FLAD1: variants seen among roughly 807,000 people sequenced by gnomAD.
FLAD1 encodes bifunctional FAD diphosphatase/FAD synthase.
A neutral mutation model predicts 55.0 loss-of-function variants in FLAD1; 35 were observed. The observed-to-expected ratio is 0.64, with a 90% CI of 0.49 to 0.84. FLAD1 has a LOEUF of 0.84. FLAD1 is among the 40% of genes least tolerant of loss of function. The pLI is 0.00. For missense variants in FLAD1, 665 were observed against 742.6 expected (o/e 0.90, Z 1.21); for synonymous variants, 267 against 303.0 (o/e 0.88, Z 1.23).
At position 154,983,495 on chromosome 1, in the gene FLAD1, T is replaced by G; in HGVS notation, c.-200T>G. On this transcript the variant is annotated 5_prime_UTR_variant, in exon 1 of 7. Transcript: ENST00000292180. Reference sequence around the variant, plus strand: ...AAGCCTGAAGTAGAAAGAGACGGGATTTTGGTCCGGGGTGGAGAGCGAATG... The same window carrying G: ...AAGCCTGAAGTAGAAAGAGACGGGAGTTTGGTCCGGGGTGGAGAGCGAATG... 2.0e-6 allele frequency: 1 copy of G among 488,788 alleles called. No homozygotes were observed. 30.3% of individuals were successfully genotyped at this position (488,788 alleles called of 1,614,324 possible).
Position 154,992,921 on chromosome 1 carries a change from C to G in FLAD1, c.1648C>G (p.Arg550Gly), listed in dbSNP as rs766539734. Reference protein sequence around the residue: ...YDRGYTSLGSRENTVRNPALK... With the variant: ...YDRGYTSLGSGENTVRNPALK... Reference sequence around the variant, plus strand: ...CTCCAGATACACATCACTGGGGAGTCGGGAGAATACCGTGCGGAACCCGGC... The same window carrying G: ...CTCCAGATACACATCACTGGGGAGTGGGGAGAATACCGTGCGGAACCCGGC... Residue 550 changes from arginine to glycine, a missense_variant, in exon 7 of 7, where the codon CGG becomes GGG. Physicochemically the swap from Arg to Gly is moderately radical, Grantham distance 125. Coordinates refer to ENST00000292180, the MANE Select transcript of FLAD1 (RefSeq NM_025207.5). The G allele has an allele frequency of 6.2e-7, 1 of 1,613,984 alleles. No homozygotes were observed. Among genetic ancestry groups the G allele is most frequent in the South Asian group, 1.1e-5 (1 of 91,072 alleles).
In FLAD1 at chr1:154,983,454, G is replaced by T. The variant is rs1171094726; in HGVS notation, c.-241G>T. 4 of 424,650 alleles carry T rather than the reference G, an allele frequency of 9.4e-6. No individual in the cohort carries two copies. Among genetic ancestry groups the T allele is most frequent in the Non-Finnish European group, 1.7e-5 (4 of 235,972 alleles). The allele number at this position is 424,650 out of a possible 1,614,324, so 26.3% of individuals were successfully genotyped here. On this transcript the variant is annotated 5_prime_UTR_variant, in exon 1 of 7. Transcript: ENST00000292180. ...GCTTGGTGGGAAGAAGGGATTCTGGGCTAGAAAGGGTGCAGAAGCCTGAAG... is the reference window on the plus strand; with the variant it reads ...GCTTGGTGGGAAGAAGGGATTCTGGTCTAGAAAGGGTGCAGAAGCCTGAAG...
chr1:154,991,746 T>G, intron 5 of FLAD1, among the ~76,000 whole-genome samples: 1 of 151,560 alleles, frequency 6.6e-6, no homozygotes, highest in East Asian at 2.0e-4. Context: ...TCCCAGCTAC[T>G]CAGGCTGAGG....
chr1:154,986,851 G>C (rs191434735), intron 1 of FLAD1, among the ~76,000 whole-genome samples: 297 of 151,756 alleles, frequency 2.0e-3, no homozygotes, highest in African/African-American at 6.8e-3. Context: ...TCCCACCTCA[G>C]CCTCCAAAAA....
rs762506307 is a variant in FLAD1 at position 154,990,537 on chromosome 1, G to A, written c.1554+9G>A. On this transcript the variant is annotated intron_variant, in intron 5 of 6. Coordinates refer to ENST00000292180, the MANE Select transcript of FLAD1 (RefSeq NM_025207.5). ...GCATCAACCCACTGCTGGTAATGGG[G>A]AAGAGGGTTTATCACCTTCAGTCTC... 6.3e-7 allele frequency: 1 copy of A among 1,587,082 alleles called. No individual in the cohort carries two copies. The highest frequency in any genetic ancestry group is 8.6e-7 in the Non-Finnish European group (1 of 1,163,616).
At position 154,983,411 on chromosome 1, in the gene FLAD1, A is replaced by AGGGCT. The variant is rs1657410313; in HGVS notation, c.-283_-279dup. On this transcript the variant is annotated 5_prime_UTR_variant, in exon 1 of 7. An upstream open reading frame in the 5' UTR gains an earlier in-frame stop. Coordinates refer to ENST00000292180, the MANE Select transcript of FLAD1 (RefSeq NM_025207.5). ...CAGAACAGGCAGGTGAGAGTCTAAG[A>AGGGCT]GGGCTCAGTAATCTGAAGCTTGGTG... 3.0e-6 allele frequency: 1 copy of AGGGCT among 334,726 alleles called. No homozygotes were observed. Among genetic ancestry groups the AGGGCT allele is most frequent in the Non-Finnish European group, 5.5e-6 (1 of 181,518 alleles). The allele number at this position is 334,726 out of a possible 1,614,324, so 20.7% of individuals were successfully genotyped here. A position where few individuals can be genotyped will look rare whatever the true frequency, so the allele number is the denominator to read the frequency against.
At chr1:154,991,953 C>T (rs1657890502) in intron 5 of FLAD1, among the ~76,000 whole-genome samples, 1 of 149,060 alleles carries the variant, frequency 6.7e-6, no homozygotes, top group African/African-American at 2.5e-5. Context: ...CCAGCCTGAC[C>T]AACATGGTGA....
chr1:154,988,658 G>A lies in FLAD1; in HGVS notation c.926G>A (p.Gly309Asp), dbSNP rs147328480. Residue 309 changes from glycine (G) to aspartate (D), a missense_variant, in exon 2 of 7, where the codon GGC becomes GAC. By Grantham distance (94) the Gly-to-Asp change is moderately conservative (BLOSUM62 -1). Transcript: ENST00000292180. ...EAQAHFGRRL[G>D]LGSYPDWGSN... ...CAGGCCCACTTTGGACGTAGGCTTG[G>A]CCTGGGTTCCTACCCTGACTGGGGC... is the stretch of plus-strand genomic sequence containing the variant. 25 of 1,614,114 alleles carry A rather than the reference G, an allele frequency of 1.5e-5. No homozygotes were observed. In the African/African-American group the frequency reaches 2.8e-4, roughly 18 times the overall value.
At chr1:154,989,906 C>T (rs752749695) in intron 3 of FLAD1, among the ~76,000 whole-genome samples, 199 bp downstream of exon 3, 7 of 152,254 alleles carry the variant, frequency 4.6e-5, no homozygotes, top group Middle Eastern at 3.4e-3. Flanking sequence ...CTATCCCTGA[C>T]GACAGGGAGG....
chr1:154,991,827 G>C (rs1278633775), intron 5 of FLAD1, among the ~76,000 whole-genome samples: 31 of 151,962 alleles, frequency 2.0e-4, no homozygotes, highest in Admixed American at 2.0e-3. Context: ...ACTCCAGCCT[G>C]GGCAACAGTA....
chr1:154,987,808 C>T (rs111664151), intron 1 of FLAD1: 189 of 621,836 alleles, frequency 3.0e-4, no homozygotes, highest in African/African-American at 2.9e-3. Context: ...TGTGGTGGCA[C>T]GCGCCTGTAG....
intron 1 of FLAD1, among the ~76,000 whole-genome samples, chr1:154,986,391 T>C (rs1200559983): frequency 6.6e-6 from 1 of 152,118 alleles, no homozygotes; most frequent in Non-Finnish European, 1.5e-5. Flanking sequence ...TAATTTTTTG[T>C]ATTTTTAGTA....
At position 154,990,375 on chromosome 1, in the gene FLAD1, G is replaced by A; in HGVS notation, c.1401G>A (p.Met467Ile). ...AGATGTTGGAAGCTGAGGGCAGCATGAAGCAGGCCCTGGGTGAACTGCAGG... is the reference window on the plus strand; with the variant it reads ...AGATGTTGGAAGCTGAGGGCAGCATAAAGCAGGCCCTGGGTGAACTGCAGG... The part of the protein sequence containing the change: ...NLQMLEAEGS[M>I]KQALGELQAR... The change falls in exon 5 of 7, where the codon ATG (methionine) becomes ATA (isoleucine). Residue 467 changes from methionine (M) to isoleucine (I), a missense_variant. Physicochemically the swap from Met to Ile is conservative, Grantham distance 10 (BLOSUM62 1). Transcript: ENST00000292180. The A allele has an allele frequency of 6.2e-7, 1 of 1,614,060 alleles. No homozygotes were observed. The highest frequency in any genetic ancestry group is 8.5e-7 in the Non-Finnish European group (1 of 1,179,960).
chr1:154,983,903 C>CA lies in FLAD1; in HGVS notation c.210dup (p.Gly71ArgfsTer31), dbSNP rs544864359. The CA allele has an allele frequency of 4.2e-5, 68 of 1,612,514 alleles. No individual in the cohort carries two copies. The African/African-American group carries it at 8.3e-4, about 20-fold the overall frequency. ...GGCCCCCAGTGCCCTGTAGACCTGG[C>CA]AGGCCCCCCGTGCTTGCGACCCCTA... On this transcript the variant is annotated frameshift_variant, in exon 1 of 7. Coordinates refer to ENST00000292180, the MANE Select transcript of FLAD1 (RefSeq NM_025207.5). LOFTEE classifies it high-confidence loss of function.
intron 1 of FLAD1, among the ~76,000 whole-genome samples, chr1:154,986,536 C>T (rs1657616673): frequency 6.6e-6 from 1 of 152,076 alleles, no homozygotes; most frequent in Non-Finnish European, 1.5e-5. Context: ...AAAAATCCCA[C>T]GAAGTTGGCA....
In FLAD1 at chr1:154,988,487, A is replaced by G. The variant is rs754464306; in HGVS notation, c.755A>G (p.Tyr252Cys). The change falls in exon 2 of 7, where the codon TAC becomes TGC. Residue 252 changes from tyrosine (Y) to cysteine (C), a missense_variant. By Grantham distance (194) the Tyr-to-Cys change is radical. Coordinates refer to ENST00000292180, the MANE Select transcript of FLAD1 (RefSeq NM_025207.5). ...RFPLVSVRNV[Y>C]LFPGIPELLR... ...CCTCTGGTCTCCGTCCGAAACGTCT[A>G]CCTCTTCCCAGGCATTCCAGAGCTG... is the stretch of plus-strand genomic sequence containing the variant. The G allele has an allele frequency of 6.8e-6, 11 of 1,614,152 alleles. No individual in the cohort carries two copies. Among genetic ancestry groups the G allele is most frequent in the South Asian group, 3.3e-5 (3 of 91,090 alleles).
rs1571475898 is a variant in FLAD1 at position 154,983,508 on chromosome 1, T to G, written c.-187T>G. 1 of 525,514 alleles carries G rather than the reference T, an allele frequency of 1.9e-6. No homozygotes were observed. Among genetic ancestry groups the G allele is most frequent in the East Asian group, 3.0e-5 (1 of 33,304 alleles). 32.6% of individuals were successfully genotyped at this position (525,514 alleles called of 1,614,324 possible). On this transcript the variant is annotated 5_prime_UTR_variant, in exon 1 of 7. Transcript: ENST00000292180. Reference sequence around the variant, plus strand: ...AAAGAGACGGGATTTTGGTCCGGGGTGGAGAGCGAATGCATTGAAAAGGGC... The same window carrying G: ...AAAGAGACGGGATTTTGGTCCGGGGGGGAGAGCGAATGCATTGAAAAGGGC...
intron 1 of FLAD1, among the ~76,000 whole-genome samples, chr1:154,986,269 T>G (rs1230035447): frequency 1.3e-5 from 2 of 151,638 alleles, no homozygotes; most frequent in African/African-American, 4.9e-5. Context: ...CAGGCTGGAG[T>G]GCAGTGGCGC....
At position 154,992,746 on chromosome 1, in the gene FLAD1, C is replaced by T. The variant is rs771466122; in HGVS notation, c.1588C>T (p.Arg530Cys). Residue 530 changes from arginine (R) to cysteine (C), a missense_variant, in exon 6 of 7, where the codon CGT becomes TGT. Physicochemically the swap from Arg to Cys is radical, Grantham distance 180. Transcript: ENST00000292180. ...CTACAGAGACATCTGGGATTTTCTG[C>T]GTCAGCTGTTTGTCCCATACTGTAT... ...WTYRDIWDFL[R>C]QLFVPYCILY... is the part of the protein sequence containing the mutation. 2.4e-5 allele frequency: 39 copies of T among 1,614,000 alleles called. No individual in the cohort carries two copies. Among genetic ancestry groups the T allele is most frequent in the South Asian group, 6.6e-5 (6 of 91,084 alleles).
Sources: gnomAD v4.1 joint callset for allele counts (sites outside exome capture counted in the v4.1 genomes callset) on GRCh38, gnomAD v4.1.1 for gene constraint, MANE v1.5 for transcripts, NCBI Gene and HGNC (gene_info 2026-07-23, HGNC 2026-07-21) for gene names.